The following RGS6 variants were observed in gnomAD, a reference collection of about 807,000 sequenced individuals.
RGS6 encodes regulator of G-protein signaling 6.
A neutral mutation model predicts 78.5 loss-of-function variants in RGS6; 30 were observed. The observed-to-expected ratio is 0.38, with a 90% CI of 0.29 to 0.52. The LOEUF (loss-of-function observed/expected upper bound fraction) is 0.52. RGS6 is among the 20% of genes least tolerant of loss of function. The pLI, the probability that RGS6 is intolerant of heterozygous loss-of-function variation, is 0.85. For missense variants in RGS6, 495 were observed against 609.7 expected (o/e 0.81, Z 1.98); for synonymous variants, 206 against 206.0 (o/e 1.00, Z 0.00).
intron 2 of RGS6, among the ~76,000 whole-genome samples, chr14:72,289,071 G>T (rs1008991868): frequency 6.6e-6 from 1 of 152,108 alleles, no homozygotes; most frequent in Non-Finnish European, 1.5e-5. Context: ...CAATAAACTA[G>T]AAAGGATGAT....
At chr14:72,466,199 A>G (rs1247080049) in intron 7 of RGS6, among the ~76,000 whole-genome samples, 7 of 152,228 alleles carry the variant, frequency 4.6e-5, no homozygotes, top group African/African-American at 1.7e-4. Context: ...TTACATACCT[A>G]TTAGAATGGC....
At chr14:72,355,601 C>T (rs938776349) in intron 3 of RGS6, among the ~76,000 whole-genome samples, 1 of 151,942 alleles carries the variant, frequency 6.6e-6, no homozygotes, top group Admixed American at 6.6e-5. Flanking sequence ...AAAGTTCTAC[C>T]CTCATGGAAT....
intron 2 of RGS6, among the ~76,000 whole-genome samples, chr14:72,259,804 A>G (rs955504369): frequency 6.7e-6 from 1 of 149,044 alleles, no homozygotes; most frequent in Non-Finnish European, 1.5e-5. Flanking sequence ...CCAGCTACTC[A>G]GGAGGCTGAG....
At chr14:72,551,267 A>G (rs892922539) in intron 17 of RGS6, among the ~76,000 whole-genome samples, 14 of 152,056 alleles carry the variant, frequency 9.2e-5, no homozygotes, top group Admixed American at 3.3e-4. Context: ...CCTCATTTCT[A>G]TATTCCCTGG....
chr14:72,067,255 G>A (rs777153004), intron 2 of RGS6, among the ~76,000 whole-genome samples: 2 of 152,164 alleles, frequency 1.3e-5, no homozygotes, highest in East Asian at 1.9e-4. Flanking sequence ...AGTGGGAGTC[G>A]AACAATGAGA....
At chr14:72,045,712 A>C (rs1273818346) in intron 2 of RGS6, among the ~76,000 whole-genome samples, 1 of 151,936 alleles carries the variant, frequency 6.6e-6, no homozygotes, top group East Asian at 1.9e-4. Flanking sequence ...TTAAAGAAAA[A>C]AAAAAAAGCT....
chr14:72,160,183 A>G (rs2096833091), intron 2 of RGS6, among the ~76,000 whole-genome samples: 1 of 152,164 alleles, frequency 6.6e-6, no homozygotes, highest in Non-Finnish European at 1.5e-5. Context: ...TCCCTGGGCA[A>G]CTGGAAATGC....
intron 1 of RGS6, among the ~76,000 whole-genome samples, chr14:71,936,015 G>GAGATATAT (rs751624395): frequency 6.3e-5 from 4 of 63,794 alleles, no homozygotes; most frequent in African/African-American, 1.0e-4. Flanking sequence ...GAACTAATAG[G>GAGATATAT]ATATATATAT....
intron 1 of RGS6, among the ~76,000 whole-genome samples, chr14:71,934,457 TTTTC>T (rs1216616886): frequency 6.6e-6 from 1 of 152,222 alleles, no homozygotes; most frequent in Non-Finnish European, 1.5e-5. Flanking sequence ...TTACTTCTGA[TTTTC>T]TTTAAGGAAT....
chr14:72,541,307 G>A (rs994214929), intron 17 of RGS6: 15 of 879,786 alleles, frequency 1.7e-5, no homozygotes, highest in African/African-American at 1.1e-4. Flanking sequence ...AGTCATTTAC[G>A]TGTCGTAGCT....
At chr14:71,885,288 A>G in the RGS6 span, among the ~76,000 whole-genome samples, 1 of 152,206 alleles carries the variant, frequency 6.6e-6, no homozygotes, top group Non-Finnish European at 1.5e-5. Flanking sequence ...ATAAACGGAA[A>G]CCAAACATTT....
At chr14:72,102,283 C>T (rs937251189) in intron 2 of RGS6, among the ~76,000 whole-genome samples, 2 of 151,986 alleles carry the variant, frequency 1.3e-5, no homozygotes, top group African/African-American at 2.4e-5. Context: ...GTTTTTTTCT[C>T]GCTTTTATCT....
At chr14:72,063,408 C>G (rs758480827) in intron 2 of RGS6, among the ~76,000 whole-genome samples, 7 of 152,212 alleles carry the variant, frequency 4.6e-5, no homozygotes, top group Non-Finnish European at 8.8e-5. Flanking sequence ...GCATGGAGAT[C>G]ATGGTGACAT....
At position 72,368,909 on chromosome 14, in the gene RGS6, G is replaced by A. The variant is rs185733412; in HGVS notation, c.184+16715G>A. On this transcript the variant is annotated intron_variant, in intron 3 of 17. Transcript: ENST00000553525. ...GTCTTTGAAGGTATGGTTACATTAA[G>A]TATCTTCATATGGGTAGGTTATTCT... Among the ~76,000 whole-genome samples the A allele has an allele frequency of 3.3e-5, 5 of 152,258 alleles. No individual in the cohort carries two copies. The East Asian group carries it at 9.7e-4, about 29-fold the overall frequency.
At chr14:72,608,291 T>G in the RGS6 span, among the ~76,000 whole-genome samples, 2 of 152,192 alleles carry the variant, frequency 1.3e-5, no homozygotes, top group African/African-American at 4.8e-5. Flanking sequence ...GACTCTTAAC[T>G]TGCAGCCTCA....
At chr14:72,087,652 C>A (rs2095103588) in intron 2 of RGS6, among the ~76,000 whole-genome samples, 2 of 149,674 alleles carry the variant, frequency 1.3e-5, no homozygotes. Context: ...AGGAAGAAAA[C>A]AGACAAAATT....
At chr14:72,544,034 G>C (rs1158997275) in intron 17 of RGS6, among the ~76,000 whole-genome samples, 2 of 152,214 alleles carry the variant, frequency 1.3e-5, no homozygotes, top group Admixed American at 6.5e-5. Context: ...CCCGCCCTCT[G>C]CTCTCTCTTA....
chr14:72,170,207 A>G (rs1180074484), intron 2 of RGS6, among the ~76,000 whole-genome samples: 2 of 152,238 alleles, frequency 1.3e-5, no homozygotes, highest in African/African-American at 4.8e-5. Context: ...TCTTACCAAT[A>G]AATTCTGCCA....
intron 17 of RGS6, among the ~76,000 whole-genome samples, chr14:72,543,896 C>G (rs550689216): frequency 6.6e-6 from 1 of 152,218 alleles, no homozygotes; most frequent in Admixed American, 6.5e-5. Context: ...CCACCACACC[C>G]GGCTAATTTT....
Sources: allele counts gnomAD v4.1 joint callset (sites outside exome capture counted in the v4.1 genomes callset), GRCh38; gene constraint gnomAD v4.1.1; transcripts MANE v1.5; gene names NCBI Gene and HGNC (gene_info 2026-07-23, HGNC 2026-07-21).